PTCH2: variants seen among roughly 807,000 people sequenced by gnomAD.
PTCH2 encodes patched 2, also known as protein patched homolog 2.
In PTCH2, 96 loss-of-function variants were observed where a neutral mutation model predicts 117.9. The observed-to-expected ratio is 0.81, with a 90% CI of 0.69 to 0.96. The LOEUF is 0.96. PTCH2 is among the 50% of genes least tolerant of loss of function. The pLI, the probability that PTCH2 is intolerant of heterozygous loss-of-function variation, is 0.00. For missense variants in PTCH2, 1,379 were observed against 1,562.5 expected, an observed-to-expected ratio of 0.88 and a Z score of 1.98; for synonymous variants, 615 against 660.9, an observed-to-expected ratio of 0.93 and a Z score of 1.06.
rs1286371486 is a variant in PTCH2 at position 44,822,137 on chromosome 1, C to T, written c.*278G>A. ...CCTCAGGCTTGGTCAGCTGGGCAGGCAGTGGTGTGGGGTGGGAAGGGGGAC... is the reference window on the plus strand; with the variant it reads ...CCTCAGGCTTGGTCAGCTGGGCAGGTAGTGGTGTGGGGTGGGAAGGGGGAC... On this transcript the variant is annotated 3_prime_UTR_variant, in exon 22 of 22. Transcript: ENST00000372192. 7.1e-7 allele frequency: 1 copy of T among 1,406,776 alleles called. No individual in the cohort carries two copies. The highest frequency in any genetic ancestry group is 9.2e-7 in the Non-Finnish European group (1 of 1,083,226). 87.1% of individuals were successfully genotyped at this position (1,406,776 alleles called of 1,614,324 possible).
chr1:44,830,862 G>A lies in PTCH2; in HGVS notation c.799C>T (p.His267Tyr). 1 of 1,560,332 alleles carries A rather than the reference G, an allele frequency of 6.4e-7. No homozygotes were observed. The highest frequency in any genetic ancestry group is 8.7e-7 in the Non-Finnish European group (1 of 1,145,784). ...TTGGAACCCACCTGCCTGCTGTGAT[G>A]GTTGGGGGCACTAGGTGGGCAGTGG... ...DLHCPPSAPN[H>Y]HSRQAPNVAH... The change falls in exon 6 of 22, where the codon CAT becomes TAT. Residue 267 changes from histidine (H) to tyrosine (Y), a missense_variant. By Grantham distance (83) the His-to-Tyr change is moderately conservative. Coordinates refer to ENST00000372192, the MANE Select transcript of PTCH2 (RefSeq NM_003738.5).
In PTCH2 at chr1:44,823,947, A is replaced by G. The variant is rs1393272245; in HGVS notation, c.3115-562T>C. On this transcript the variant is annotated intron_variant, in intron 19 of 21. Transcript: ENST00000372192. This position sits in a 1 kb window ranked among gnomAD's most constrained non-coding sequence, Gnocchi z 5.1. ...AGTGAGACCCTGTTTCAAACAAACA[A>G]ACAAACAAACAAACAAACATAGGTT... Among the ~76,000 whole-genome samples the G allele has an allele frequency of 6.6e-6, 1 of 152,126 alleles. No individual in the cohort carries two copies. Among genetic ancestry groups the G allele is most frequent in the Non-Finnish European group, 1.5e-5 (1 of 68,030 alleles).
intron 2 of PTCH2, among the ~76,000 whole-genome samples, chr1:44,835,853 ACTG>A (rs1172226226): frequency 6.6e-6 from 1 of 152,230 alleles, no homozygotes; most frequent in Non-Finnish European, 1.5e-5. Flanking sequence ...GTGTTTCGGT[ACTG>A]CTAAGAGTGA....
intron 2 of PTCH2, among the ~76,000 whole-genome samples, chr1:44,840,501 A>G (rs1415698612): frequency 6.7e-6 from 1 of 150,254 alleles, no homozygotes; most frequent in Non-Finnish European, 1.5e-5. Context: ...ACTTGAAGCC[A>G]GGAGTTCGAG....
At chr1:44,820,706 T>G (rs1241085764), downstream of PTCH2, 2 of 718,132 alleles carry the variant, frequency 2.8e-6, no homozygotes, top group South Asian at 3.0e-5. Context: ...TCCTCGGGCC[T>G]GGAAAGATGA....
Position 44,829,686 on chromosome 1 carries a change from C to CT in PTCH2, c.1010dup (p.Thr338AspfsTer3). On this transcript the variant is annotated frameshift_variant, in exon 8 of 22. Coordinates refer to ENST00000372192, the MANE Select transcript of PTCH2 (RefSeq NM_003738.5). LOFTEE classifies it high-confidence loss of function. ...CCTCACTCCAGCCAATGTCATGTGT[C>CT]TGATAGTCACCCCGGAAATGCTCGT... 1 of 1,614,236 alleles carries CT rather than the reference C, an allele frequency of 6.2e-7. No individual in the cohort carries two copies. Among genetic ancestry groups the CT allele is most frequent in the South Asian group, 1.1e-5 (1 of 91,088 alleles).
At chr1:44,828,735 G>A in intron 11 of PTCH2, 104 bp from the exon 12 acceptor site, 2 of 1,484,768 alleles carry the variant, frequency 1.3e-6, no homozygotes, top group Non-Finnish European at 9.1e-7. Context: ...AGGTGGGGCA[G>A]TCATAACACA....
chr1:44,820,538 TG>T, downstream of PTCH2: 8 of 676,006 alleles, frequency 1.2e-5, no homozygotes, highest in Non-Finnish European at 2.0e-5. Flanking sequence ...CCTCGAAGGG[TG>T]ATATGGGGTC....
chr1:44,840,363 G>T (rs1001225010), intron 2 of PTCH2, among the ~76,000 whole-genome samples: 1 of 148,644 alleles, frequency 6.7e-6, no homozygotes, highest in Non-Finnish European at 1.5e-5. Context: ...GCCTCCCAAA[G>T]TGCTGGGATT....
chr1:44,837,378 G>A (rs1156486898), intron 2 of PTCH2, among the ~76,000 whole-genome samples: 1 of 151,946 alleles, frequency 6.6e-6, no homozygotes, highest in Non-Finnish European at 1.5e-5. Flanking sequence ...CTCAGCCTCC[G>A]GAGTAGCTGC....
chr1:44,842,827 C>T (rs1257092386), intron 1 of PTCH2, 34 bp downstream of exon 1: 5 of 1,533,400 alleles, frequency 3.3e-6, no homozygotes, highest in Non-Finnish European at 4.4e-6. Flanking sequence ...CCTGGCTCCG[C>T]TCTCTTCCTT....
intron 11 of PTCH2, 82 bp from the exon 12 acceptor site, chr1:44,828,713 C>G (rs1374706432): frequency 6.4e-7 from 1 of 1,554,002 alleles, no homozygotes; most frequent in African/African-American, 1.4e-5. Context: ...GGCTCAGGAA[C>G]TTGGGGTGCA....
In PTCH2 at chr1:44,843,066, A is replaced by G. The variant is rs1654024806; in HGVS notation, c.-134T>C. ...GGCCGCCAAGGCGCGGGCGTGGGAG[A>G]GACTGTGGGGTGTGGGTGTTAAAGC... is the stretch of plus-strand genomic sequence containing the variant. On this transcript the variant is annotated 5_prime_UTR_variant, in exon 1 of 22. Coordinates refer to ENST00000372192, the MANE Select transcript of PTCH2 (RefSeq NM_003738.5). 1 of 1,423,520 alleles carries G rather than the reference A, an allele frequency of 7.0e-7. No individual in the cohort carries two copies. The highest frequency in any genetic ancestry group is 2.6e-5 in the East Asian group (1 of 38,868). The allele number at this position is 1,423,520 out of a possible 1,614,324, so 88.2% of individuals were successfully genotyped here.
chr1:44,839,860 G>C (rs1396821825), intron 2 of PTCH2, among the ~76,000 whole-genome samples: 1 of 152,128 alleles, frequency 6.6e-6, no homozygotes, highest in Non-Finnish European at 1.5e-5. Flanking sequence ...GGGATGGCGT[G>C]TGGGAGCTCA....
intron 2 of PTCH2, among the ~76,000 whole-genome samples, chr1:44,836,698 C>CT (rs1332306487): frequency 3.9e-5 from 6 of 151,906 alleles, no homozygotes; most frequent in Admixed American, 1.3e-4. Context: ...GAGCAAGACT[C>CT]TGTCTCGGGG....
intron 2 of PTCH2, among the ~76,000 whole-genome samples, chr1:44,838,405 C>A (rs968498427): frequency 1.3e-5 from 2 of 152,074 alleles, no homozygotes; most frequent in Non-Finnish European, 2.9e-5. Flanking sequence ...CCACGCCTGG[C>A]TAATTTTGTA....
intron 2 of PTCH2, among the ~76,000 whole-genome samples, chr1:44,840,942 T>TA (rs1007188970): frequency 1.3e-5 from 2 of 151,028 alleles, no homozygotes; most frequent in East Asian, 2.0e-4. Context: ...CGCACGCCTG[T>TA]AATCCCAGCT....
intron 1 of PTCH2, 60 bp from the exon 2 acceptor site, chr1:44,842,099 C>T: frequency 1.4e-6 from 2 of 1,479,792 alleles, no homozygotes; most frequent in Non-Finnish European, 1.9e-6. Context: ...AAATCCTTCC[C>T]TTCTCACCCT....
At position 44,829,392 on chromosome 1, in the gene PTCH2, C is replaced by T. The variant is rs765764028; in HGVS notation, c.1215+10G>A. 2.8e-5 allele frequency: 45 copies of T among 1,614,014 alleles called. No individual in the cohort carries two copies. Among genetic ancestry groups the T allele is most frequent in the Non-Finnish European group, 3.6e-5 (43 of 1,180,010 alleles). The stretch of plus-strand genomic sequence containing the variant: ...TGGGGTGGGGGCAAGGTGCCAGGTG[C>T]AAGACCCACCATGAGCAGATAGCCT... On this transcript the variant is annotated intron_variant, in intron 9 of 21. Transcript: ENST00000372192.
Sources: allele counts gnomAD v4.1 joint callset (sites outside exome capture counted in the v4.1 genomes callset), GRCh38; gene constraint gnomAD v4.1.1; non-coding constraint Gnocchi (gnomAD v3.1); transcripts MANE v1.5; gene names NCBI Gene and HGNC (gene_info 2026-07-23, HGNC 2026-07-21).